The following PKD1 variants were observed in gnomAD, a reference collection of about 807,000 sequenced individuals.
The protein encoded by PKD1 is polycystin-1.
PKD1 carries 81 observed loss-of-function variants against 361.7 expected under a neutral mutation model. The ratio of observed to expected loss-of-function variants is 0.22; its 90% CI spans 0.19 to 0.27. The LOEUF (loss-of-function observed/expected upper bound fraction) is 0.27, where lower values mean the gene tolerates loss of function less well. PKD1 is among the 10% of genes least tolerant of loss of function. The probability of loss-of-function intolerance (pLI) is 1.00; values close to 1 mark genes in which losing one functional copy is unlikely to be tolerated. For missense variants in PKD1, 6,399 were observed against 6,118.3 expected (o/e 1.05, Z -1.53); for synonymous variants, 3,615 against 2,818.3 (o/e 1.28, Z -8.95).
At chr16:2,092,924 A>C (rs2091664946) in intron 38 of PKD1, 30 bp downstream of exon 38, 10 of 1,612,534 alleles carry the variant, frequency 6.2e-6, no homozygotes, top group South Asian at 3.3e-5. Flanking sequence ...TAAAGCCCAG[A>C]AGACAGACCA....
rs779607937 is a variant in PKD1, at chr16:2,109,994, C to T, written c.5173G>A (p.Ala1725Thr). 31 of 1,609,662 alleles carry T rather than the reference C, an allele frequency of 1.9e-5. No individual in the cohort carries two copies. The highest frequency in any genetic ancestry group is 1.5e-4 in the Admixed American group (9 of 59,922). ...VEPVGWLMVA[A>T]SPNPAAVNTS... ...TTGACGGCAGCTGGGTTCGGGGAGG[C>T]GGCCACCATCAGCCACCCCACAGGC... Residue 1725 changes from alanine to threonine, a missense_variant, in exon 15 of 46, where the codon GCC (alanine) becomes ACC (threonine). Ala to Thr is a moderately conservative substitution (Grantham distance 58). Transcript: ENST00000262304.
chr16:2,091,530 G>C lies in PKD1; in HGVS notation c.11605C>G (p.Leu3869Val), dbSNP rs757250645. ...PAVGLHAAVT[L>V]RLEFPAAGRA... ...CCGGCCGCCGGGAACTCGAGGCGCAGCGTGACGGCGGCGTGCAGCCCCACG... is the reference window on the plus strand; with the variant it reads ...CCGGCCGCCGGGAACTCGAGGCGCACCGTGACGGCGGCGTGCAGCCCCACG... Residue 3869 changes from leucine to valine, a missense_variant, in exon 42 of 46, where the codon CTG (leucine) becomes GTG (valine). Transcript: ENST00000262304. The C allele has an allele frequency of 1.3e-6, 2 of 1,496,856 alleles. No individual in the cohort carries two copies. Among genetic ancestry groups the C allele is most frequent in the Non-Finnish European group, 1.8e-6 (2 of 1,136,166 alleles). The allele number at this position is 1,496,856 out of a possible 1,614,324, so 92.7% of individuals were successfully genotyped here.
chr16:2,123,324 C>A (rs2092751225), intron 1 of PKD1: 7 of 345,254 alleles, frequency 2.0e-5, no homozygotes, highest in Non-Finnish European at 2.3e-5. Flanking sequence ...AGGTGCAGTC[C>A]CCCAGCCCCC....
intron 37 of PKD1, 136 bp from the exon 38 acceptor site, chr16:2,093,229 T>C: frequency 1.9e-6 from 2 of 1,033,610 alleles, no homozygotes; most frequent in Non-Finnish European, 2.9e-6. Context: ...CCCAAGACTC[T>C]ACCTGGCCAG....
In PKD1 at chr16:2,103,371, A is replaced by C; in HGVS notation, c.8686T>G (p.Ser2896Ala). 3.1e-6 allele frequency: 5 copies of C among 1,601,266 alleles called. No individual in the cohort carries two copies. The South Asian group carries it at 3.3e-5, about 11-fold the overall frequency. The change falls in exon 23 of 46, where the codon TCC becomes GCC. Residue 2896 changes from serine to alanine, a missense_variant. Ser to Ala is a moderately conservative substitution (Grantham distance 99, BLOSUM62 1). Transcript: ENST00000262304. ...GHRSSANSAN[S>A]VVVQPQASVG... ...GAGGCCTGGGGCTGGACCACAACGG[A>C]GTTGGCGGAGTTGGCGGAGCTGCGG...
At chr16:2,128,923 G>C (rs1439861823) in intron 1 of PKD1, among the ~76,000 whole-genome samples, 1 of 151,946 alleles carries the variant, frequency 6.6e-6, no homozygotes, top group Non-Finnish European at 1.5e-5. Context: ...GAGTGCAGTG[G>C]TGTGATATTG....
In PKD1 at chr16:2,123,406, G is replaced by A. The variant is rs1488288313; in HGVS notation, c.216-4028C>T. Reference sequence around the variant, plus strand: ...GTGTGGAAGCATCTGCCCTGGGCAGGACTCAGGTGTGGGCTTCAGGGACAG... The same window carrying A: ...GTGTGGAAGCATCTGCCCTGGGCAGAACTCAGGTGTGGGCTTCAGGGACAG... On this transcript the variant is annotated intron_variant, in intron 1 of 45. Coordinates refer to ENST00000262304, the MANE Select transcript of PKD1 (RefSeq NM_001009944.3). 12 of 455,530 alleles carry A rather than the reference G, an allele frequency of 2.6e-5. No individual in the cohort carries two copies. The East Asian group carries it at 8.3e-4, about 32-fold the overall frequency. The allele number at this position is 455,530 out of a possible 1,614,324, so 28.2% of individuals were successfully genotyped here.
intron 12 of PKD1, 71 bp downstream of exon 12, chr16:2,113,090 G>A: frequency 9.3e-7 from 1 of 1,076,342 alleles, no homozygotes. Flanking sequence ...GCAGAAGGCA[G>A]AGGTGAAGGT....
In PKD1 at chr16:2,111,837, G is replaced by A. The variant is rs1226256540; in HGVS notation, c.3330C>T (p.Ala1110=). 4.3e-6 allele frequency: 7 copies of A among 1,610,314 alleles called. No homozygotes were observed. Among genetic ancestry groups the A allele is most frequent in the East Asian group, 2.2e-5 (1 of 44,862 alleles). Reference sequence around the variant, plus strand: ...GCACCTGCTGCGTCAGGTTCTCGAAGGCATTAGATGCCAGCACGGTCAGGA... The same window carrying A: ...GCACCTGCTGCGTCAGGTTCTCGAAAGCATTAGATGCCAGCACGGTCAGGA... The part of the protein sequence containing the change: ...EYLLTVLASN[A]FENLTQQVPV... Residue 1110 remains alanine, a synonymous_variant, in exon 15 of 46, where the codon GCC becomes GCT. Transcript: ENST00000262304.
Position 2,097,352 on chromosome 16 carries a change from G to C in PKD1, c.10372C>G (p.Pro3458Ala), listed in dbSNP as rs980940314. The change falls in exon 33 of 46, where the codon CCC becomes GCC. Residue 3458 changes from proline (P) to alanine (A), a missense_variant. Coordinates refer to ENST00000262304, the MANE Select transcript of PKD1 (RefSeq NM_001009944.3). ...PEEDGFSLAS[P>A]YSPAKSFSAS... ...GAGAAGGATTTGGCAGGCGAGTAGG[G>C]GCTGGCCAGGGAGAAGCCGTCCTCC... 1 of 1,612,386 alleles carries C rather than the reference G, an allele frequency of 6.2e-7. No homozygotes were observed. Among genetic ancestry groups the C allele is most frequent in the Non-Finnish European group, 8.5e-7 (1 of 1,179,938 alleles).
intron 30 of PKD1, among the ~76,000 whole-genome samples, chr16:2,098,616 CTG>C (rs2091953513): frequency 6.9e-6 from 1 of 145,120 alleles, no homozygotes; most frequent in South Asian, 2.3e-4. Context: ...TGCGCCTTCT[CTG>C]TGTGCTGCTG....
At position 2,107,988 on chromosome 16, in the gene PKD1, G is replaced by A. The variant is rs779926406; in HGVS notation, c.6960C>T (p.Ser2320=). Residue 2320 remains serine (S), a synonymous_variant, in exon 16 of 46, where the codon AGC becomes AGT. Coordinates refer to ENST00000262304, the MANE Select transcript of PKD1 (RefSeq NM_001009944.3). The stretch of plus-strand genomic sequence containing the variant: ...GCTCCCGTGGAATGGTGACCGTGCT[G>A]CTCCCGCGGGGCCCAAAGTTCAGCG... The part of the protein sequence containing the change: ...GCALNFGPRG[S]STVTIPRERL... The A allele has an allele frequency of 1.9e-6, 3 of 1,547,890 alleles. No homozygotes were observed. The highest frequency in any genetic ancestry group is 2.4e-5 in the East Asian group (1 of 41,046).
chr16:2,097,667 C>T (rs2091901909), intron 32 of PKD1, 61 bp downstream of exon 32: 2 of 1,610,706 alleles, frequency 1.2e-6, no homozygotes, highest in South Asian at 1.1e-5. Context: ...AGCCCGCACA[C>T]CCCCGGCACC....
Position 2,091,873 on chromosome 16 carries a change from G to A in PKD1, c.11445C>T (p.Asp3815=). The change falls in exon 41 of 46, where the codon GAC becomes GAT. Residue 3815 remains aspartate, a synonymous_variant. Coordinates refer to ENST00000262304, the MANE Select transcript of PKD1 (RefSeq NM_001009944.3). Reference sequence around the variant, plus strand: ...CCAGCTCCTGCACGTAGCCCCCGCTGTCATACACGGCACAGGAGCCCCAGG... The same window carrying A: ...CCAGCTCCTGCACGTAGCCCCCGCTATCATACACGGCACAGGAGCCCCAGG... ...AWSWGSCAVY[D]SGGYVQELGL... 1.2e-6 allele frequency: 2 copies of A among 1,611,268 alleles called. No homozygotes were observed. Among genetic ancestry groups the A allele is most frequent in the East Asian group, 2.2e-5 (1 of 44,850 alleles).
At chr16:2,093,169 C>CCA in intron 37 of PKD1, 76 bp from the exon 38 acceptor site, 1 of 1,559,488 alleles carries the variant, frequency 6.4e-7, no homozygotes, top group East Asian at 2.2e-5. Context: ...ACGGCTGGAG[C>CCA]CATGGCTGCG....
Position 2,114,830 on chromosome 16 carries a change from C to T in PKD1, c.2193G>A (p.Pro731=), listed in dbSNP as rs768813212. ...CCCGGGGACCAGGGTGGCCGGGAGC[C>T]GGCGAGCAGTGCAGGAGGGCGCCAG... The part of the protein sequence containing the change: ...AGPGALLHCS[P]APGHPGPRAP... The change falls in exon 11 of 46, where the codon CCG becomes CCA. Residue 731 remains proline (P), a synonymous_variant. Coordinates refer to ENST00000262304, the MANE Select transcript of PKD1 (RefSeq NM_001009944.3). The T allele has an allele frequency of 8.9e-6, 12 of 1,341,156 alleles. No individual in the cohort carries two copies. Among genetic ancestry groups the T allele is most frequent in the Non-Finnish European group, 1.2e-5 (12 of 972,372 alleles). 83.1% of individuals were successfully genotyped at this position (1,341,156 alleles called of 1,614,324 possible).
rs2151752837 is a variant in PKD1, at chr16:2,103,076, C to A, written c.8792-106G>T. On this transcript the variant is annotated intron_variant, in intron 23 of 45. Transcript: ENST00000262304. ...ACCCTCTGCCACGGGCCTGAAAGGC[C>A]ATAGGAGCCTCTGCACCAGAGCTGG... 2.9e-6 allele frequency: 4 copies of A among 1,363,358 alleles called. No homozygotes were observed. The East Asian group carries it at 7.2e-5, about 24-fold the overall frequency. The allele number at this position is 1,363,358 out of a possible 1,614,324, so 84.5% of individuals were successfully genotyped here.
intron 1 of PKD1, among the ~76,000 whole-genome samples, chr16:2,131,034 G>A (rs1209650893): frequency 2.0e-5 from 3 of 152,202 alleles, no homozygotes; most frequent in Admixed American, 6.5e-5. Flanking sequence ...CAACCTCTGG[G>A]ACAATGGGAT....
intron 11 of PKD1, 177 bp downstream of exon 11, chr16:2,113,993 G>A (rs978136141): frequency 5.2e-5 from 32 of 615,112 alleles, no homozygotes; most frequent in Admixed American, 3.8e-4. Flanking sequence ...TGACTTTCCA[G>A]GAATTTAAAG....
Sources: allele counts gnomAD v4.1 joint callset (sites outside exome capture counted in the v4.1 genomes callset), GRCh38; gene constraint gnomAD v4.1.1; transcripts MANE v1.5; gene names NCBI Gene and HGNC (gene_info 2026-07-23, HGNC 2026-07-21).